Variants in PHACTR4 observed in about 807,000 individuals in gnomAD.
The protein encoded by PHACTR4 is phosphatase and actin regulator 4.
Under a neutral mutation model 72.7 loss-of-function variants are expected in PHACTR4, and 51 were observed. That is an observed-to-expected ratio of 0.70 (90% CI 0.56 to 0.89). The LOEUF is 0.89. PHACTR4 is among the 40% of genes least tolerant of loss of function. The pLI is 0.00. For missense variants in PHACTR4, 731 were observed against 861.8 expected (o/e 0.85, Z 1.90); for synonymous variants, 255 against 302.5 (o/e 0.84, Z 1.63).
At chr1:28,457,950 GC>G in intron 2 of PHACTR4, 1 of 803,256 alleles carries the variant, frequency 1.2e-6, no homozygotes, top group Non-Finnish European at 1.5e-6. Context: ...TAAATTCTTG[GC>G]CCCGCCTTGG....
At chr1:28,410,276 A>G (rs1377872498) in intron 2 of PHACTR4, among the ~76,000 whole-genome samples, 1 of 152,008 alleles carries the variant, frequency 6.6e-6, no homozygotes, top group Admixed American at 6.6e-5. Context: ...ACTTATTCCT[A>G]AAGTTTGTAG....
intron 2 of PHACTR4, among the ~76,000 whole-genome samples, chr1:28,416,063 T>C (rs181643266): frequency 1.3e-5 from 2 of 152,288 alleles, no homozygotes; most frequent in Admixed American, 6.5e-5. Context: ...TTGTTATCAC[T>C]TGAAGCTCAA....
chr1:28,467,980 G>A (rs1184958388), intron 6 of PHACTR4, among the ~76,000 whole-genome samples: 1 of 152,144 alleles, frequency 6.6e-6, no homozygotes, highest in Non-Finnish European at 1.5e-5. Flanking sequence ...ATTGCTTAAA[G>A]TTCTTGTTCA....
At chr1:28,416,903 T>G (rs962864566) in intron 2 of PHACTR4, among the ~76,000 whole-genome samples, 1 of 152,220 alleles carries the variant, frequency 6.6e-6, no homozygotes. Context: ...AAGATTAGGT[T>G]TTATTTTAAG....
At chr1:28,491,868 G>A in intron 12 of PHACTR4, 81 bp downstream of exon 12, 1 of 1,465,404 alleles carries the variant, frequency 6.8e-7, no homozygotes, top group East Asian at 2.4e-5. Context: ...TAACTAGAAG[G>A]GAGAACCATA....
intron 2 of PHACTR4, among the ~76,000 whole-genome samples, chr1:28,437,334 C>T (rs1271000072): frequency 1.3e-5 from 2 of 152,070 alleles, no homozygotes; most frequent in Non-Finnish European, 2.9e-5. Flanking sequence ...GGCAATCCTC[C>T]CACCTCACCT....
chr1:28,464,258 A>G (rs199814957), intron 4 of PHACTR4, among the ~76,000 whole-genome samples: 1 of 151,978 alleles, frequency 6.6e-6, no homozygotes, highest in Non-Finnish European at 1.5e-5. Context: ...GAGCCACTAC[A>G]CCCGGCCCCC....
chr1:28,370,109 T>C (rs1651112374), intron 1 of PHACTR4, among the ~76,000 whole-genome samples: 1 of 151,396 alleles, frequency 6.6e-6, no homozygotes, highest in East Asian at 2.0e-4. Context: ...TTGTCTGGGC[T>C]GCGTTGCTCC....
At chr1:28,478,744 G>A (rs367832111) in intron 8 of PHACTR4, among the ~76,000 whole-genome samples, 3 of 149,258 alleles carry the variant, frequency 2.0e-5, no homozygotes, top group Non-Finnish European at 4.4e-5. Context: ...ATGAGCCACC[G>A]TGACTGGCCC....
At chr1:28,412,405 G>A (rs1654846396) in intron 2 of PHACTR4, among the ~76,000 whole-genome samples, 1 of 152,058 alleles carries the variant, frequency 6.6e-6, no homozygotes, top group Non-Finnish European at 1.5e-5. Context: ...ATACAAATGT[G>A]CTTTATACAT....
At chr1:28,393,300 G>T (rs957684754) in intron 1 of PHACTR4, among the ~76,000 whole-genome samples, 2 of 152,112 alleles carry the variant, frequency 1.3e-5, no homozygotes, top group African/African-American at 2.4e-5. Flanking sequence ...TTATATACTT[G>T]GGAGAAGGGT....
In PHACTR4 at chr1:28,473,949, CAT is replaced by C. The variant is rs1290397031; in HGVS notation, c.1223_1224del (p.Ile408ThrfsTer3). The C allele has an allele frequency of 1.2e-6, 2 of 1,614,104 alleles. No individual in the cohort carries two copies. The highest frequency in any genetic ancestry group is 4.5e-5 in the East Asian group (2 of 44,880). The stretch of plus-strand genomic sequence containing the variant: ...ACTGGACCAGAACTTTGGGGAGCCC[CAT>C]ATACCCTCTAGGCTGCCTCCACTCC... ...RILDQNFGEP[H>X]IPSRLPPLPL... On this transcript the variant is annotated frameshift_variant, in exon 7 of 14. Transcript: ENST00000373839. LOFTEE classifies it high-confidence loss of function.
intron 2 of PHACTR4, among the ~76,000 whole-genome samples, chr1:28,448,023 A>G (rs1014104461): frequency 1.3e-5 from 2 of 152,348 alleles, no homozygotes; most frequent in Non-Finnish European, 2.9e-5. Context: ...GCAAAAATGA[A>G]TAAGTACAGT....
intron 1 of PHACTR4, among the ~76,000 whole-genome samples, chr1:28,405,210 A>T (rs958110396): frequency 9.2e-5 from 14 of 151,984 alleles, no homozygotes; most frequent in Non-Finnish European, 1.8e-4. Flanking sequence ...ATTGTTCTTT[A>T]TGTATTCTAG....
chr1:28,387,831 G>A (rs1652681969), intron 1 of PHACTR4, among the ~76,000 whole-genome samples: 2 of 152,100 alleles, frequency 1.3e-5, no homozygotes, highest in East Asian at 1.9e-4. Context: ...AGGTTCCAGC[G>A]ATTCTCCTGC....
At chr1:28,440,058 T>C (rs1039409309) in intron 2 of PHACTR4, among the ~76,000 whole-genome samples, 27 of 152,140 alleles carry the variant, frequency 1.8e-4, no homozygotes, top group African/African-American at 5.8e-4. Context: ...TCCCAGCACG[T>C]TGGGAGGCCG....
intron 1 of PHACTR4, among the ~76,000 whole-genome samples, chr1:28,374,351 C>G (rs991636407): frequency 1.9e-4 from 29 of 152,222 alleles, no homozygotes; most frequent in African/African-American, 7.0e-4. Flanking sequence ...CAAGAGAATG[C>G]TCTCTCTAGT....
At chr1:28,409,188 T>C (rs1654589208) in intron 2 of PHACTR4, among the ~76,000 whole-genome samples, 1 of 151,380 alleles carries the variant, frequency 6.6e-6, no homozygotes. Context: ...TCAGTGGCTA[T>C]TCACAGAAGC....
intron 1 of PHACTR4, among the ~76,000 whole-genome samples, chr1:28,374,320 T>G (rs758411877): frequency 6.6e-6 from 1 of 152,240 alleles, no homozygotes; most frequent in Non-Finnish European, 1.5e-5. Context: ...ACTGTACTTT[T>G]TTAGTCAGAC....
Sources: gnomAD v4.1 joint callset for allele counts (sites outside exome capture counted in the v4.1 genomes callset) on GRCh38, gnomAD v4.1.1 for gene constraint, MANE v1.5 for transcripts, NCBI Gene and HGNC (gene_info 2026-07-23, HGNC 2026-07-21) for gene names.